Variants in LRRC7 observed in about 807,000 individuals in gnomAD.
LRRC7 encodes the protein leucine rich repeat containing 7, also known as leucine-rich repeat-containing protein 7.
A neutral mutation model predicts 175.7 loss-of-function variants in LRRC7; 23 were observed. The ratio of observed to expected loss-of-function variants is 0.13; its 90% CI spans 0.09 to 0.19. LRRC7 has a LOEUF of 0.19. Ranked by LOEUF, LRRC7 falls within the 10% of genes least tolerant of loss-of-function variation. LRRC7 has a pLI of 1.00. For missense variants in LRRC7, 1,354 were observed against 1,904.7 expected (o/e 0.71, Z 5.38); for synonymous variants, 685 against 680.9 (o/e 1.01, Z -0.09).
Position 70,023,156 on chromosome 1 carries a change from G to C in LRRC7, c.1576G>C (p.Gly526Arg), listed in dbSNP as rs1310816554. ...DLSCQAPWER[G>R]QRGITLQPAR... is the part of the protein sequence containing the mutation. Reference sequence around the variant, plus strand: ...CTCCTGCCAAGCCCCCTGGGAAAGGGGCCAGCGTGGGATTACTCTCCAACC... The same window carrying C: ...CTCCTGCCAAGCCCCCTGGGAAAGGCGCCAGCGTGGGATTACTCTCCAACC... Residue 526 changes from glycine to arginine, a missense_variant, in exon 17 of 27, where the codon GGC becomes CGC. By Grantham distance (125) the Gly-to-Arg change is moderately radical. Transcript: ENST00000651989. The C allele has an allele frequency of 1.4e-6, 2 of 1,465,826 alleles. No homozygotes were observed. Among genetic ancestry groups the C allele is most frequent in the African/African-American group, 2.8e-5 (2 of 71,164 alleles). 90.8% of individuals were successfully genotyped at this position (1,465,826 alleles called of 1,614,324 possible).
chr1:69,628,577 T>C (rs1773347), intron 1 of LRRC7, among the ~76,000 whole-genome samples: 19,527 of 152,146 alleles, frequency 0.13, 1,602 homozygotes, highest in South Asian at 0.19. Context: ...TTCTGTGTAA[T>C]CCCAATCAAA....
intron 23 of LRRC7, among the ~76,000 whole-genome samples, chr1:70,072,194 G>T (rs1244718955): frequency 2.0e-5 from 3 of 152,130 alleles, no homozygotes; most frequent in Non-Finnish European, 4.4e-5. Context: ...CCAAACAAAT[G>T]TCAAATTTTC....
At chr1:69,700,592 T>G (rs1189044763) in intron 2 of LRRC7, among the ~76,000 whole-genome samples, 1 of 152,110 alleles carries the variant, frequency 6.6e-6, no homozygotes, top group Non-Finnish European at 1.5e-5. Flanking sequence ...CGCTATTTTA[T>G]AGAATAGCAA....
intron 7 of LRRC7, among the ~76,000 whole-genome samples, chr1:69,842,951 C>A (rs1261126353): frequency 1.3e-5 from 2 of 152,026 alleles, no homozygotes; most frequent in Non-Finnish European, 2.9e-5. Context: ...GTAATCCCAG[C>A]ACTTTGGGAG....
intron 11 of LRRC7, among the ~76,000 whole-genome samples, chr1:70,008,943 G>A (rs893897268): frequency 2.6e-5 from 4 of 152,102 alleles, no homozygotes; most frequent in Non-Finnish European, 5.9e-5. Context: ...AAACTGAGAT[G>A]CAGTTACTCA....
intron 2 of LRRC7, among the ~76,000 whole-genome samples, chr1:69,719,952 A>T (rs1666172046): frequency 6.6e-6 from 1 of 151,584 alleles, no homozygotes; most frequent in Admixed American, 6.6e-5. Flanking sequence ...CATTTGGTTA[A>T]TATTTGCATG....
intron 2 of LRRC7, among the ~76,000 whole-genome samples, chr1:69,696,532 A>G (rs1662607925): frequency 6.6e-6 from 1 of 152,122 alleles, no homozygotes; most frequent in African/African-American, 2.4e-5. Flanking sequence ...GTATTTTGCA[A>G]TGTGAGAAGA....
At position 70,135,112 on chromosome 1, in the gene LRRC7, T is replaced by C. The variant is rs1666813492; in HGVS notation, c.*13225T>C. Among the ~76,000 whole-genome samples the C allele has an allele frequency of 6.6e-6, 1 of 152,190 alleles. No individual in the cohort carries two copies. Among genetic ancestry groups the C allele is most frequent in the Admixed American group, 6.6e-5 (1 of 15,240 alleles). On this transcript the variant is annotated 3_prime_UTR_variant, in exon 27 of 27. Transcript: ENST00000651989. ...GTATTCCAGTTGCGCTTTTTATTTCTTTTTTCCTTTCTTTTCTTTTGCACT... is the reference window on the plus strand; with the variant it reads ...GTATTCCAGTTGCGCTTTTTATTTCCTTTTTCCTTTCTTTTCTTTTGCACT...
chr1:70,004,303 A>G (rs1655804333), intron 11 of LRRC7, among the ~76,000 whole-genome samples: 1 of 152,176 alleles, frequency 6.6e-6, no homozygotes. Flanking sequence ...ATTTCCTACC[A>G]TTATTTAGAA....
At chr1:69,910,019 T>C (rs566153094) in intron 7 of LRRC7, among the ~76,000 whole-genome samples, 1 of 152,352 alleles carries the variant, frequency 6.6e-6, no homozygotes, top group South Asian at 2.1e-4. Context: ...ATTTCATTCA[T>C]TTCGTCTTCC....
At chr1:69,786,073 T>C (rs891779929) in intron 3 of LRRC7, among the ~76,000 whole-genome samples, 1 of 152,190 alleles carries the variant, frequency 6.6e-6, no homozygotes, top group African/African-American at 2.4e-5. Flanking sequence ...ATTATTTTAT[T>C]ATATATTTAG....
intron 1 of LRRC7, among the ~76,000 whole-genome samples, chr1:69,571,089 AAC>A (rs2100874722): frequency 6.6e-6 from 1 of 152,354 alleles, no homozygotes; most frequent in South Asian, 2.1e-4. Context: ...TGATAAGAAA[AAC>A]AGTCAATTTT....
At chr1:69,917,826 G>A (rs1646766034) in intron 7 of LRRC7, among the ~76,000 whole-genome samples, 1 of 152,098 alleles carries the variant, frequency 6.6e-6, no homozygotes, top group African/African-American at 2.4e-5. Flanking sequence ...TAAATCCTTT[G>A]AGGTTGTATT....
At chr1:69,677,835 C>T (rs1239335618) in intron 1 of LRRC7, among the ~76,000 whole-genome samples, 1 of 152,138 alleles carries the variant, frequency 6.6e-6, no homozygotes, top group East Asian at 1.9e-4. Flanking sequence ...GTTATGGAGG[C>T]TAGGAAGTCC....
rs997433290 is a variant in LRRC7 at position 70,125,010 on chromosome 1, A to G, written c.*3123A>G. 3.9e-5 allele frequency among the ~76,000 whole-genome samples: 6 copies of G among 152,246 alleles called. No individual in the cohort carries two copies. The highest frequency in any genetic ancestry group is 3.9e-4 in the Admixed American group (6 of 15,284). ...TAGTGGACAATTTTTAAAACTATTT[A>G]CAAGGCTCATAATATTTTGTCATTA... On this transcript the variant is annotated 3_prime_UTR_variant, in exon 27 of 27. Transcript: ENST00000651989.
At chr1:70,063,485 C>T (rs549080796) in intron 23 of LRRC7, among the ~76,000 whole-genome samples, 1 of 151,978 alleles carries the variant, frequency 6.6e-6, no homozygotes, top group South Asian at 2.1e-4. Context: ...GCTTATGGAC[C>T]AATGAAGTAA....
rs1350433201 is a variant in LRRC7 at position 70,130,416 on chromosome 1, A to T, written c.*8529A>T. 6.6e-6 allele frequency among the ~76,000 whole-genome samples: 1 copy of T among 152,210 alleles called. No homozygotes were observed. Among genetic ancestry groups the T allele is most frequent in the Non-Finnish European group, 1.5e-5 (1 of 68,034 alleles). On this transcript the variant is annotated 3_prime_UTR_variant, in exon 27 of 27. Coordinates refer to ENST00000651989, the MANE Select transcript of LRRC7 (RefSeq NM_001370785.2). Reference sequence around the variant, plus strand: ...AAATATTGAACTAAACAGCAAATTGATCTTCAGTTTGTGTAACCTTAAACT... The same window carrying T: ...AAATATTGAACTAAACAGCAAATTGTTCTTCAGTTTGTGTAACCTTAAACT...
At chr1:69,651,281 T>C (rs1312193472) in intron 1 of LRRC7, among the ~76,000 whole-genome samples, 1 of 149,904 alleles carries the variant, frequency 6.7e-6, no homozygotes, top group Non-Finnish European at 1.5e-5. Context: ...AATCATCCTA[T>C]GGTACTGATT....
At chr1:69,999,988 G>A (rs1655375145) in intron 11 of LRRC7, among the ~76,000 whole-genome samples, 2 of 152,096 alleles carry the variant, frequency 1.3e-5, no homozygotes, top group Admixed American at 1.3e-4. Context: ...ACCCACTCTA[G>A]TTCTGGACTC....
Sources: allele counts gnomAD v4.1 joint callset (sites outside exome capture counted in the v4.1 genomes callset), GRCh38; gene constraint gnomAD v4.1.1; transcripts MANE v1.5; gene names NCBI Gene and HGNC (gene_info 2026-07-23, HGNC 2026-07-21).